The following LRRK1 variants were observed in gnomAD, a reference collection of about 807,000 sequenced individuals.
LRRK1 encodes the protein leucine rich repeat kinase 1.
In LRRK1, 113 loss-of-function variants were observed where a neutral mutation model predicts 209.1. That is an observed-to-expected ratio of 0.54 (90% confidence interval 0.46 to 0.63). The LOEUF is 0.63. Among genes scored for constraint, LRRK1 ranks in the 30% least tolerant of loss-of-function variants. The pLI, the probability that LRRK1 is intolerant of heterozygous loss-of-function variation, is 0.00. For synonymous variants in LRRK1, 1,144 were observed against 1,099.7 expected (o/e 1.04, Z -0.80); for missense variants, 2,284 against 2,632.2 (o/e 0.87, Z 2.89).
intron 3 of LRRK1, 164 bp downstream of exon 3, chr15:100,974,131 A>G (rs770171122): frequency 7.6e-6 from 4 of 525,784 alleles, no homozygotes; most frequent in East Asian, 3.5e-5. Context: ...TTTCCTTTCC[A>G]ACTGACTTCT....
chr15:100,922,074 G>A lies in LRRK1; in HGVS notation c.-122-2437G>A, dbSNP rs554084506. ...TCATTAATGCAGGTATAAATAGTTGGCAAAAGGAAATTGATGAGGTTTTGA... is the reference window on the plus strand; with the variant it reads ...TCATTAATGCAGGTATAAATAGTTGACAAAAGGAAATTGATGAGGTTTTGA... On this transcript the variant is annotated intron_variant, in intron 1 of 33. Coordinates refer to ENST00000388948, the MANE Select transcript of LRRK1 (RefSeq NM_024652.6). Among the ~76,000 whole-genome samples, 3 of 152,272 alleles carry A rather than the reference G, an allele frequency of 2.0e-5. No individual in the cohort carries two copies. The South Asian group carries it at 6.2e-4, about 32-fold the overall frequency.
At chr15:101,056,779 G>T in intron 27 of LRRK1, 77 bp from the exon 28 acceptor site, 1 of 1,148,652 alleles carries the variant, frequency 8.7e-7, no homozygotes, top group Non-Finnish European at 1.2e-6. Flanking sequence ...TGTCTCCCTG[G>T]TCCCTCCACC....
Position 101,027,838 on chromosome 15 carries a change from A to G in LRRK1, c.2686+41A>G. 6.6e-7 allele frequency: 1 copy of G among 1,520,452 alleles called. No individual in the cohort carries two copies. The allele number at this position is 1,520,452 out of a possible 1,614,324, so 94.2% of individuals were successfully genotyped here. Reference sequence around the variant, plus strand: ...GTAGGTGGCAGGGTGCCCGTGAGAAATGGAACTGTCTGTACTTGCTAACTT... The same window carrying G: ...GTAGGTGGCAGGGTGCCCGTGAGAAGTGGAACTGTCTGTACTTGCTAACTT... On this transcript the variant is annotated intron_variant, in intron 19 of 33. Coordinates refer to ENST00000388948, the MANE Select transcript of LRRK1 (RefSeq NM_024652.6). The surrounding 1 kb of genome is among the most constrained non-coding windows in gnomAD (Gnocchi z 5.1).
At chr15:101,062,385 G>C (rs2036239134) in intron 30 of LRRK1, 189 bp from the exon 31 acceptor site, 2 of 554,820 alleles carry the variant, frequency 3.6e-6, no homozygotes, top group Admixed American at 3.2e-5. Context: ...CTTTAGACTA[G>C]TCTGTCTTTT....
In LRRK1 at chr15:101,052,962, G is replaced by C. The variant is rs558530256; in HGVS notation, c.3730G>C (p.Glu1244Gln). 62 of 1,611,612 alleles carry C rather than the reference G, an allele frequency of 3.8e-5. No homozygotes were observed. The highest frequency in any genetic ancestry group is 5.1e-5 in the Non-Finnish European group (60 of 1,178,486). Residue 1244 changes from glutamate to glutamine, a missense_variant, in exon 25 of 34, where the codon GAG (glutamate) becomes CAG (glutamine). Around this residue, in one of 6 missense-constraint regions of LRRK1, gnomAD observed 780 missense variants for 985.2 expected, o/e 0.79. Coordinates refer to ENST00000388948, the MANE Select transcript of LRRK1 (RefSeq NM_024652.6). ...ENSKLEHSED[E>Q]GSVLGQGGSG... ...CAGCAAGCTGGAGCACAGCGAGGAC[G>C]AGGGCAGCGTCCTGGGCCAGGGCGG...
intron 6 of LRRK1, among the ~76,000 whole-genome samples, chr15:100,990,841 C>T (rs916457332): frequency 2.0e-5 from 3 of 151,116 alleles, no homozygotes; most frequent in Non-Finnish European, 4.4e-5. Context: ...TAAAATAATA[C>T]ATAATTCAAT....
intron 6 of LRRK1, among the ~76,000 whole-genome samples, chr15:100,995,508 T>C (rs989022607): frequency 6.6e-6 from 1 of 152,184 alleles, no homozygotes; most frequent in African/African-American, 2.4e-5. Flanking sequence ...GGCCATGCTG[T>C]TTGCCTGGCT....
At chr15:101,010,981 C>T (rs2033208215) in intron 9 of LRRK1, 144 bp downstream of exon 9, 11 of 694,476 alleles carry the variant, frequency 1.6e-5, no homozygotes, top group Middle Eastern at 4.1e-4. Context: ...TTGTAAGCAT[C>T]GTCACTCAGC....
chr15:101,046,218 G>A lies in LRRK1; in HGVS notation c.3135+66G>A, dbSNP rs948236636. 26 of 1,526,582 alleles carry A rather than the reference G, an allele frequency of 1.7e-5. No individual in the cohort carries two copies. The African/African-American group carries it at 2.2e-4, about 13-fold the overall frequency. 94.6% of individuals were successfully genotyped at this position (1,526,582 alleles called of 1,614,324 possible). On this transcript the variant is annotated intron_variant, in intron 21 of 33. Coordinates refer to ENST00000388948, the MANE Select transcript of LRRK1 (RefSeq NM_024652.6). ...GCCACCTACAGTTGTACCACTGGGG[G>A]AGGGGAATGCCCTTTGCTGGGGGGC... is the stretch of plus-strand genomic sequence containing the variant.
chr15:101,008,142 CAAAAAAAAAAAAAAAAAAAAAAAA>C (rs796213769), intron 6 of LRRK1, among the ~76,000 whole-genome samples: 1 of 74,146 alleles, frequency 1.3e-5, no homozygotes, highest in Non-Finnish European at 2.4e-5. Flanking sequence ...GACTCCATCT[CAAAAAAAAAAAAAAAAAAAAAAAA>C]AAAAAAAAAA....
intron 2 of LRRK1, among the ~76,000 whole-genome samples, chr15:100,946,683 T>C (rs2042545816): frequency 6.6e-6 from 1 of 152,146 alleles, no homozygotes; most frequent in Non-Finnish European, 1.5e-5. Flanking sequence ...GTCTTAAGCA[T>C]AAAAATCAAC....
At chr15:101,045,452 T>C (rs1043052137) in intron 20 of LRRK1, among the ~76,000 whole-genome samples, 3 of 152,220 alleles carry the variant, frequency 2.0e-5, no homozygotes, top group Non-Finnish European at 4.4e-5. Context: ...AAAACATCCC[T>C]CTTCCGCACA....
intron 6 of LRRK1, among the ~76,000 whole-genome samples, chr15:101,002,010 G>A (rs535351468): frequency 2.0e-5 from 3 of 152,330 alleles, no homozygotes; most frequent in African/African-American, 4.8e-5. Flanking sequence ...GCCAGGAATC[G>A]TTTTCGGAGT....
chr15:100,968,230 C>T (rs760395092), intron 2 of LRRK1, among the ~76,000 whole-genome samples: 1 of 151,842 alleles, frequency 6.6e-6, no homozygotes, highest in Non-Finnish European at 1.5e-5. Context: ...GTTACTGTAC[C>T]ACGGTTTGTT....
In LRRK1 at chr15:101,075,456, T is replaced by C. The variant is rs1469841422; in HGVS notation, c.*6608T>C. 8.3e-6 allele frequency: 1 copy of C among 121,182 alleles called. No individual in the cohort carries two copies. Among genetic ancestry groups the C allele is most frequent in the Non-Finnish European group, 1.7e-5 (1 of 60,118 alleles). The allele number at this position is 121,182 out of a possible 1,614,324, so 7.5% of individuals were successfully genotyped here. On this transcript the variant is annotated 3_prime_UTR_variant, in exon 34 of 34. Transcript: ENST00000388948. ...ATAAGTATAAGATACCTCTACTCCC[T>C]CCTTGGTGACCGATCATGCACCCCT... is the stretch of plus-strand genomic sequence containing the variant.
chr15:101,061,385 G>C, intron 30 of LRRK1, 97 bp downstream of exon 30: 2 of 797,642 alleles, frequency 2.5e-6, no homozygotes, highest in Non-Finnish European at 4.1e-6. Flanking sequence ...AGGACGCCAG[G>C]TCAAGTGAAC....
In LRRK1 at chr15:101,027,700, G is replaced by T; in HGVS notation, c.2589G>T (p.Arg863=). ...TGGCAGAGCAGCAGCGCCGCAGCCG[G>T]GACGACGACGTGCAGTACCTGACGG... The part of the protein sequence containing the change: ...AVLAEQQRRS[R]DDDVQYLTDR... The change falls in exon 19 of 34, where the codon CGG becomes CGT. Residue 863 remains arginine (R), a synonymous_variant. Transcript: ENST00000388948. This position sits in a 1 kb window ranked among gnomAD's most constrained non-coding sequence, Gnocchi z 5.1. 6.2e-7 allele frequency: 1 copy of T among 1,612,976 alleles called. No individual in the cohort carries two copies. Among genetic ancestry groups the T allele is most frequent in the Non-Finnish European group, 8.5e-7 (1 of 1,179,662 alleles).
intron 2 of LRRK1, among the ~76,000 whole-genome samples, chr15:100,929,019 C>T (rs927546459): frequency 1.3e-5 from 2 of 152,210 alleles, no homozygotes; most frequent in Admixed American, 6.5e-5. Flanking sequence ...GACAGAGCAG[C>T]TGTCAATGAG....
intron 4 of LRRK1, among the ~76,000 whole-genome samples, chr15:100,988,039 G>A (rs2031962496): frequency 6.6e-6 from 1 of 152,182 alleles, no homozygotes; most frequent in Non-Finnish European, 1.5e-5. Context: ...GGTGACTGAT[G>A]TGGGGAAATG....
Sources: gnomAD v4.1 joint callset for allele counts (sites outside exome capture counted in the v4.1 genomes callset) on GRCh38, gnomAD v4.1.1 for gene constraint, gnomAD v4.1.1 regional missense constraint, Gnocchi (gnomAD v3.1) non-coding constraint, MANE v1.5 for transcripts, NCBI Gene and HGNC (gene_info 2026-07-23, HGNC 2026-07-21) for gene names.